The following RANBP3 variants were observed in gnomAD, a reference collection of about 807,000 sequenced individuals.
The protein encoded by RANBP3 is ran-binding protein 3.
In RANBP3, 14 loss-of-function variants were observed where a neutral mutation model predicts 77.3. The ratio of observed to expected loss-of-function variants is 0.18; its 90% confidence interval spans 0.12 to 0.28. The LOEUF is 0.28. Among genes scored for constraint, RANBP3 ranks in the 10% least tolerant of loss-of-function variants. The pLI, the probability that RANBP3 is intolerant of heterozygous loss-of-function variation, is 1.00. For missense variants in RANBP3, 586 were observed against 752.3 expected (o/e 0.78, Z 2.59); for synonymous variants, 315 against 312.4 (o/e 1.01, Z -0.09).
chr19:5,951,381 G>C lies in RANBP3; in HGVS notation c.282+12C>G, dbSNP rs1282830157. The C allele has an allele frequency of 1.3e-6, 2 of 1,549,688 alleles. No individual in the cohort carries two copies. Among genetic ancestry groups the C allele is most frequent in the South Asian group, 2.4e-5 (2 of 84,144 alleles). ...CCTGGGCGGTAGGAGTGCCGGGTAG[G>C]TGTGGACTTACCCCTGCCAGTTCTC... On this transcript the variant is annotated intron_variant, in intron 3 of 16. Transcript: ENST00000340578.
At chr19:5,932,663 G>T in intron 6 of RANBP3, 119 bp from the exon 7 acceptor site, 1 of 715,484 alleles carries the variant, frequency 1.4e-6, no homozygotes, top group Non-Finnish European at 2.3e-6. Flanking sequence ...TTGCAGGGAA[G>T]CACTTTTTTA....
At chr19:5,975,412 G>A (rs887800151) in intron 1 of RANBP3, among the ~76,000 whole-genome samples, 15 of 152,156 alleles carry the variant, frequency 9.9e-5, no homozygotes, top group Admixed American at 8.5e-4. Context: ...GCATATGCTA[G>A]AAACAGTATC....
At chr19:5,947,438 T>TTCCTCC (rs2058220870) in intron 3 of RANBP3, among the ~76,000 whole-genome samples, 1 of 152,008 alleles carries the variant, frequency 6.6e-6, no homozygotes. Flanking sequence ...AGAGCCCCAT[T>TTCCTCC]TCCTCCTCCT....
At chr19:5,929,866 C>T (rs1385033852) in intron 8 of RANBP3, among the ~76,000 whole-genome samples, 1 of 152,246 alleles carries the variant, frequency 6.6e-6, no homozygotes, top group African/African-American at 2.4e-5. Context: ...CCCAGACCCA[C>T]ATGGAGCAGT....
intron 3 of RANBP3, among the ~76,000 whole-genome samples, chr19:5,947,329 G>GAAAGA (rs1374097198): frequency 5.3e-4 from 78 of 145,922 alleles, no homozygotes; most frequent in Non-Finnish European, 7.5e-4. Flanking sequence ...AAAAAAAAAA[G>GAAAGA]AAAGAAAAGA....
At chr19:5,933,789 C>A in intron 5 of RANBP3, 1 of 275,258 alleles carries the variant, frequency 3.6e-6, no homozygotes, top group South Asian at 5.6e-5. Context: ...CCGAGCTGCT[C>A]AGCGGCCCTG....
intron 1 of RANBP3, among the ~76,000 whole-genome samples, chr19:5,968,224 A>G (rs1455368972): frequency 6.6e-6 from 1 of 152,198 alleles, no homozygotes; most frequent in East Asian, 1.9e-4. Flanking sequence ...AAGGAAATCC[A>G]AGAACTACAG....
chr19:5,928,952 G>A (rs1281221925), intron 8 of RANBP3, among the ~76,000 whole-genome samples: 2 of 152,220 alleles, frequency 1.3e-5, no homozygotes, highest in African/African-American at 2.4e-5. Flanking sequence ...TGTGTACAGT[G>A]GACATGAACG....
chr19:5,937,844 A>C (rs1195698869), intron 5 of RANBP3, among the ~76,000 whole-genome samples: 1 of 152,152 alleles, frequency 6.6e-6, no homozygotes, highest in Non-Finnish European at 1.5e-5. Flanking sequence ...CTCAGAAGCG[A>C]TCATGAGATT....
At chr19:5,926,183 C>T (rs898202210) in intron 9 of RANBP3, among the ~76,000 whole-genome samples, 3 of 152,126 alleles carry the variant, frequency 2.0e-5, no homozygotes, top group African/African-American at 7.2e-5. Flanking sequence ...TTAATCCTCA[C>T]GAGGCCTGGG....
At chr19:5,956,951 T>C (rs1299207504) in intron 2 of RANBP3, among the ~76,000 whole-genome samples, 1 of 152,010 alleles carries the variant, frequency 6.6e-6, no homozygotes, top group East Asian at 1.9e-4. Flanking sequence ...CTCTAAAATG[T>C]TGCAGCGGGT....
chr19:5,948,092 G>C (rs537450302), intron 3 of RANBP3, among the ~76,000 whole-genome samples: 2 of 152,338 alleles, frequency 1.3e-5, no homozygotes, highest in African/African-American at 4.8e-5. Context: ...GAAGAAGCAG[G>C]AAGGAATGGC....
chr19:5,949,041 G>A (rs1568467439), intron 3 of RANBP3, among the ~76,000 whole-genome samples: 1 of 152,092 alleles, frequency 6.6e-6, no homozygotes, highest in African/African-American at 2.4e-5. Flanking sequence ...AGATGGTAAG[G>A]GCCCTTTACA....
chr19:5,945,001 C>T (rs570759379), intron 3 of RANBP3, among the ~76,000 whole-genome samples: 40 of 152,330 alleles, frequency 2.6e-4, no homozygotes, highest in Admixed American at 3.9e-4. Context: ...CATCCAGTGA[C>T]GCCCTCCTTT....
At chr19:5,941,467 G>A (rs1056348000) in intron 5 of RANBP3, among the ~76,000 whole-genome samples, 154 bp downstream of exon 5, 6 of 152,156 alleles carry the variant, frequency 3.9e-5, no homozygotes, top group Non-Finnish European at 8.8e-5. Context: ...CTCTGGACAA[G>A]CTCTCACCTC....
intron 5 of RANBP3, chr19:5,933,716 A>T (rs1266874358): frequency 4.4e-6 from 2 of 455,452 alleles, no homozygotes; most frequent in Non-Finnish European, 7.9e-6. Flanking sequence ...GCTGCTGACC[A>T]TGGGGGCAGG....
Position 5,924,759 on chromosome 19 carries a change from T to G in RANBP3, c.996+68A>C. 1.4e-6 allele frequency: 2 copies of G among 1,469,690 alleles called. No homozygotes were observed. The highest frequency in any genetic ancestry group is 1.9e-6 in the Non-Finnish European group (2 of 1,049,414). The allele number at this position is 1,469,690 out of a possible 1,614,324, so 91.0% of individuals were successfully genotyped here. On this transcript the variant is annotated intron_variant, in intron 11 of 16. Transcript: ENST00000340578. The surrounding 1 kb of genome is among the most constrained non-coding windows in gnomAD (Gnocchi z 4.7). Reference sequence around the variant, plus strand: ...CGACACAGCAGCCCTGCTCTCCATGTCCCCTTGACCTGTGGCTGGCGCCGA... The same window carrying G: ...CGACACAGCAGCCCTGCTCTCCATGGCCCCTTGACCTGTGGCTGGCGCCGA...
At chr19:5,932,319 A>G in intron 7 of RANBP3, 133 bp downstream of exon 7, 1 of 722,086 alleles carries the variant, frequency 1.4e-6, no homozygotes, top group Non-Finnish European at 2.3e-6. Flanking sequence ...TTAAAGGATC[A>G]TCTTCCCTGA....
At chr19:5,919,901 CAA>C (rs5826910) in intron 14 of RANBP3, among the ~76,000 whole-genome samples, 11 of 129,910 alleles carry the variant, frequency 8.5e-5, no homozygotes, top group Non-Finnish European at 1.1e-4. Context: ...AACTCCGTCT[CAA>C]AAAAAAAAAA....
Sources: allele counts gnomAD v4.1 joint callset (sites outside exome capture counted in the v4.1 genomes callset), GRCh38; gene constraint gnomAD v4.1.1; non-coding constraint Gnocchi (gnomAD v3.1); transcripts MANE v1.5; gene names NCBI Gene and HGNC (gene_info 2026-07-23, HGNC 2026-07-21).